Variants in ZNF248 observed in about 807,000 individuals in gnomAD.
The protein encoded by ZNF248 is KRAB protein domain.
Under a neutral mutation model 44.3 loss-of-function variants are expected in ZNF248, and 20 were observed. The observed-to-expected ratio is 0.45, with a 90% CI of 0.32 to 0.66. ZNF248 has a LOEUF of 0.66. Ranked by LOEUF, ZNF248 falls within the 30% of genes least tolerant of loss-of-function variation. ZNF248 has a pLI of 0.04. For synonymous variants in ZNF248, 224 were observed against 229.0 expected (o/e 0.98, Z 0.20); for missense variants, 654 against 677.0 (o/e 0.97, Z 0.38).
At chr10:37,838,564 A>T (rs1195443758) in intron 3 of ZNF248, among the ~76,000 whole-genome samples, 1 of 152,214 alleles carries the variant, frequency 6.6e-6, no homozygotes, top group Admixed American at 6.5e-5. Flanking sequence ...AGCTCAGCAC[A>T]TATTGATTCA....
intron 3 of ZNF248, among the ~76,000 whole-genome samples, chr10:37,847,209 T>TTA (rs1204877770): frequency 3.3e-5 from 5 of 152,038 alleles, no homozygotes; most frequent in Non-Finnish European, 1.5e-5. Flanking sequence ...TTATTTTTAT[T>TTA]TTTATTTATT....
At chr10:37,826,480 G>A (rs1334181310), downstream of ZNF248, among the ~76,000 whole-genome samples, 4 of 152,116 alleles carry the variant, frequency 2.6e-5, no homozygotes, top group Non-Finnish European at 5.9e-5. Context: ...GCATCTGACT[G>A]TTCTTCTAAA....
At chr10:37,762,300 A>C in the ZNF248 span, among the ~76,000 whole-genome samples, 2 of 152,222 alleles carry the variant, frequency 1.3e-5, no homozygotes. Context: ...CAAGTACTTT[A>C]CTAAATTAAC....
At chr10:37,770,312 C>T in the ZNF248 span, among the ~76,000 whole-genome samples, 2 of 152,182 alleles carry the variant, frequency 1.3e-5, no homozygotes, top group Admixed American at 6.6e-5. Flanking sequence ...GCCCGCATCG[C>T]CAAGTCAATC....
chr10:37,799,807 C>T (rs1038295859), intron 6 of ZNF248, among the ~76,000 whole-genome samples: 1 of 152,140 alleles, frequency 6.6e-6, no homozygotes, highest in Non-Finnish European at 1.5e-5. Flanking sequence ...GGGTTGGTTG[C>T]AACTGGTGTT....
intron 6 of ZNF248, among the ~76,000 whole-genome samples, chr10:37,804,101 C>CT (rs59261731): frequency 0.55 from 68,692 of 124,608 alleles, 19,478 homozygotes; most frequent in South Asian, 0.6. Context: ...TTTTCTTTTT[C>CT]TTTTTTTTTT....
At chr10:37,822,850 G>T (rs1357890071) in intron 6 of ZNF248, among the ~76,000 whole-genome samples, 1 of 152,124 alleles carries the variant, frequency 6.6e-6, no homozygotes. Context: ...GCAACAGGCA[G>T]CCCATGGGCC....
Position 37,837,675 on chromosome 10 carries a change from G to C in ZNF248, c.180C>G (p.Ile60Met). The C allele has an allele frequency of 1.2e-6, 2 of 1,614,008 alleles. No individual in the cohort carries two copies. Among genetic ancestry groups the C allele is most frequent in the Non-Finnish European group, 8.5e-7 (1 of 1,179,980 alleles). The change falls in exon 5 of 6, where the codon ATC (isoleucine) becomes ATG (methionine). Residue 60 changes from isoleucine to methionine, a missense_variant. Transcript: ENST00000395867. ...CITKPEVIFK[I>M]EQGEEPWILE... Reference sequence around the variant, plus strand: ...ATATCCAGGGCTCTTCTCCTTGCTCGATCTTAAAGATCACTTCTGGTTTAG... The same window carrying C: ...ATATCCAGGGCTCTTCTCCTTGCTCCATCTTAAAGATCACTTCTGGTTTAG...
At chr10:37,768,861 A>T in the ZNF248 span, among the ~76,000 whole-genome samples, 1 of 152,070 alleles carries the variant, frequency 6.6e-6, no homozygotes, top group South Asian at 2.1e-4. Flanking sequence ...TCAACAAAAT[A>T]GATAGACTGC....
At chr10:37,767,574 TGAGA>T in the ZNF248 span, among the ~76,000 whole-genome samples, 1 of 152,170 alleles carries the variant, frequency 6.6e-6, no homozygotes, top group Non-Finnish European at 1.5e-5. Context: ...AAGTAAATGC[TGAGA>T]GATTTTGTCA....
At position 37,829,323 on chromosome 10, in the gene ZNF248, TTG is replaced by T; in HGVS notation, c.*2290_*2291del. On this transcript the variant is annotated 3_prime_UTR_variant, in exon 6 of 6. Transcript: ENST00000395867. ...AAGTCTCTGGGTGTTTCACTGTCCC[TTG>T]TTTCTGGCCCACACCACTGTAATCA... The T allele has an allele frequency of 3.0e-6, 3 of 985,474 alleles. No individual in the cohort carries two copies. Among genetic ancestry groups the T allele is most frequent in the Non-Finnish European group, 3.6e-6 (3 of 829,948 alleles). 61.0% of individuals were successfully genotyped at this position (985,474 alleles called of 1,614,324 possible). A position where few individuals can be genotyped will look rare whatever the true frequency, so the allele number is the denominator to read the frequency against.
intron 6 of ZNF248, among the ~76,000 whole-genome samples, chr10:37,792,686 C>T (rs1004463440): frequency 6.6e-6 from 1 of 152,088 alleles, no homozygotes; most frequent in Non-Finnish European, 1.5e-5. Flanking sequence ...GGTATTATTC[C>T]CCAAATTCCA....
intron 6 of ZNF248, among the ~76,000 whole-genome samples, chr10:37,817,875 T>C (rs945641679): frequency 1.3e-5 from 2 of 152,122 alleles, no homozygotes; most frequent in Non-Finnish European, 2.9e-5. Context: ...ATATAGACAC[T>C]GGACTAGCCT....
At chr10:37,833,742 T>G (rs1183869026) in intron 5 of ZNF248, among the ~76,000 whole-genome samples, 4 of 151,976 alleles carry the variant, frequency 2.6e-5, no homozygotes, top group Non-Finnish European at 5.9e-5. Context: ...GAAGAAATAG[T>G]TTTTTTTAAT....
chr10:37,776,305 G>A (rs1307013807), downstream of ZNF248: 2 of 332,576 alleles, frequency 6.0e-6, no homozygotes, highest in African/African-American at 4.3e-5. Flanking sequence ...TCTTTTCTGA[G>A]ACGTGGTCCA....
chr10:37,780,617 G>C (rs548779330), intron 6 of ZNF248, among the ~76,000 whole-genome samples: 103 of 152,320 alleles, frequency 6.8e-4, no homozygotes, highest in African/African-American at 2.3e-3. Flanking sequence ...ATCCTCTGGC[G>C]TAGGGACTAA....
At chr10:37,809,413 G>T (rs1589296748) in intron 6 of ZNF248, among the ~76,000 whole-genome samples, 1 of 152,234 alleles carries the variant, frequency 6.6e-6, no homozygotes, top group East Asian at 1.9e-4. Context: ...AAGCAGCTGA[G>T]ATTACAGGCA....
At chr10:37,766,443 G>A in the ZNF248 span, among the ~76,000 whole-genome samples, 83 of 152,246 alleles carry the variant, frequency 5.5e-4, no homozygotes, top group Non-Finnish European at 9.3e-4. Context: ...CAGCATTTGC[G>A]GTTCACCAAG....
At chr10:37,836,799 C>T (rs891055552) in intron 5 of ZNF248, among the ~76,000 whole-genome samples, 5 of 146,434 alleles carry the variant, frequency 3.4e-5, no homozygotes, top group African/African-American at 1.3e-4. Context: ...CACACACACA[C>T]ACACACGCAT....
Sources: allele counts gnomAD v4.1 joint callset (sites outside exome capture counted in the v4.1 genomes callset), GRCh38; gene constraint gnomAD v4.1.1; transcripts MANE v1.5; gene names NCBI Gene and HGNC (gene_info 2026-07-23, HGNC 2026-07-21).